Variants in PSG3 observed in about 807,000 individuals in gnomAD.
The protein encoded by PSG3 is pregnancy specific beta-1-glycoprotein 3.
In PSG3, 61 loss-of-function variants were observed where a neutral mutation model predicts 47.5. That is an observed-to-expected ratio of 1.28 (90% CI 1.05 to 1.59). The LOEUF (loss-of-function observed/expected upper bound fraction) is 1.59. PSG3 is among the 40% of genes most tolerant of loss of function. The pLI is 0.00. For missense variants in PSG3, 756 were observed against 524.0 expected (o/e 1.44, Z -4.32); for synonymous variants, 263 against 198.4 (o/e 1.33, Z -2.74).
intron 2 of PSG3, among the ~76,000 whole-genome samples, chr19:42,737,457 C>T (rs1450490344): frequency 1.3e-5 from 2 of 152,108 alleles, no homozygotes; most frequent in African/African-American, 4.8e-5. Context: ...CCTCTTGTGA[C>T]AGTGACATGG....
intron 2 of PSG3, among the ~76,000 whole-genome samples, chr19:42,734,511 C>G (rs1490595305): frequency 6.6e-6 from 1 of 152,148 alleles, no homozygotes; most frequent in African/African-American, 2.4e-5. Flanking sequence ...GTAACAACAA[C>G]AGCAAAAAAT....
At chr19:42,738,332 T>C (rs1350057543) in intron 2 of PSG3, among the ~76,000 whole-genome samples, 3 of 152,172 alleles carry the variant, frequency 2.0e-5, no homozygotes, top group Non-Finnish European at 4.4e-5. Context: ...AGGGACATGG[T>C]TCTGGGGGTG....
rs1203622528 is a variant in PSG3, at chr19:42,729,182, G to T, written c.1184C>A (p.Ser395Tyr). ...TTKHSGLYAC[S>Y]VRNSATGMES... ...CATGCCAGTGGCTGAGTTACGAACA[G>T]AGCAAGCATAGAGCCCGCTATGCTT... Residue 395 changes from serine to tyrosine, a missense_variant, in exon 5 of 7, where the codon TCT (serine) becomes TAT (tyrosine). Physicochemically the swap from Ser to Tyr is moderately radical, Grantham distance 144 (BLOSUM62 -2). Transcript: ENST00000327495. 11 of 1,613,886 alleles carry T rather than the reference G, an allele frequency of 6.8e-6. No individual in the cohort carries two copies. The highest frequency in any genetic ancestry group is 9.3e-6 in the Non-Finnish European group (11 of 1,179,882).
At chr19:42,726,518 G>GA (rs1316585019) in intron 5 of PSG3, among the ~76,000 whole-genome samples, 3 of 151,538 alleles carry the variant, frequency 2.0e-5, no homozygotes, top group African/African-American at 4.9e-5. Context: ...GGGAAATTAA[G>GA]AAAAAAAATT....
chr19:42,736,612 TTGTG>T (rs61479007), intron 2 of PSG3, among the ~76,000 whole-genome samples: 9,632 of 138,566 alleles, frequency 0.07, 584 homozygotes, highest in African/African-American at 0.17. Context: ...TTCAATACAT[TTGTG>T]TGTGTGTGTG....
intron 3 of PSG3, chr19:42,732,426 G>A: frequency 2.3e-6 from 1 of 433,298 alleles, no homozygotes; most frequent in Non-Finnish European, 4.2e-6. Flanking sequence ...TTGTCAGAGG[G>A]AAGGGAAAAT....
At chr19:42,735,605 C>T (rs934228595) in intron 2 of PSG3, among the ~76,000 whole-genome samples, 3 of 152,264 alleles carry the variant, frequency 2.0e-5, no homozygotes, top group African/African-American at 4.8e-5. Context: ...TGACCTTGTG[C>T]CTGCCTCGGC....
intron 6 of PSG3, among the ~76,000 whole-genome samples, chr19:42,722,650 C>T (rs1350691041): frequency 1.3e-5 from 2 of 152,086 alleles, no homozygotes; most frequent in Non-Finnish European, 2.9e-5. Context: ...TATAATTTAA[C>T]TTATCAAATA....
chr19:42,725,890 C>CAAAAAAAAAAAAAAAAAAAAAAAAAAA (rs200684147), intron 5 of PSG3, among the ~76,000 whole-genome samples: 39 of 68,010 alleles, frequency 5.7e-4, no homozygotes, highest in African/African-American at 2.2e-3. Context: ...CAACAACAAC[C>CAAAAAAAAAAAAAAAAAAAAAAAAAAA]AAAAAAAAAA....
chr19:42,738,161 T>G (rs923065470), intron 2 of PSG3, among the ~76,000 whole-genome samples: 1 of 152,230 alleles, frequency 6.6e-6, no homozygotes, highest in African/African-American at 2.4e-5. Context: ...GCTCTGTCCT[T>G]GCCCAGATGA....
At chr19:42,735,599 C>T (rs1281991372) in intron 2 of PSG3, among the ~76,000 whole-genome samples, 1 of 152,198 alleles carries the variant, frequency 6.6e-6, no homozygotes, top group Non-Finnish European at 1.5e-5. Flanking sequence ...ATCTCCTGAC[C>T]TTGTGCCTGC....
At chr19:42,729,598 T>C (rs1969436537) in intron 4 of PSG3, among the ~76,000 whole-genome samples, 180 bp downstream of exon 4, 1 of 152,160 alleles carries the variant, frequency 6.6e-6, no homozygotes, top group South Asian at 2.1e-4. Context: ...CCCCTCCCCT[T>C]ATATTCTTGG....
intron 3 of PSG3, chr19:42,732,576 C>T (rs1299340365): frequency 3.3e-6 from 4 of 1,219,408 alleles, no homozygotes; most frequent in Non-Finnish European, 4.6e-6. Context: ...GACGCTGAGT[C>T]TCCCATGACA....
chr19:42,729,996 A>C lies in PSG3; in HGVS notation c.770T>G (p.Val257Gly). The C allele has an allele frequency of 6.2e-7, 1 of 1,612,430 alleles. No homozygotes were observed. The highest frequency in any genetic ancestry group is 8.5e-7 in the Non-Finnish European group (1 of 1,179,846). Residue 257 changes from valine (V) to glycine (G), a missense_variant, in exon 4 of 7, where the codon GTC (valine) becomes GGC (glycine). Physicochemically the swap from Val to Gly is moderately radical, Grantham distance 109. Coordinates refer to ENST00000327495, the MANE Select transcript of PSG3 (RefSeq NM_021016.4). ...NNLNPRENKD[V>G]LAFTCEPKSE... ...CTTAGGTTCACAGGTGAAGGCTAAG[A>C]CATCCTTATTCTCCCTGGGGTTTAA... is the stretch of plus-strand genomic sequence containing the variant.
Position 42,739,030 on chromosome 19 carries a change from G to T in PSG3, c.124C>A (p.Pro42Thr). The T allele has an allele frequency of 1.2e-6, 2 of 1,613,752 alleles. No homozygotes were observed. The highest frequency in any genetic ancestry group is 1.1e-5 in the South Asian group (1 of 91,064). ...TTAQVTIEAE[P>T]TKVSKGKDVL... The stretch of plus-strand genomic sequence containing the variant: ...TCCTTCCCCTTGGAAACTTTGGTTG[G>T]CTCGGCTTCAATCGTGACTTGGGCA... Residue 42 changes from proline to threonine, a missense_variant, in exon 2 of 7, where the codon CCA (proline) becomes ACA (threonine). Transcript: ENST00000327495.
rs571851590 is a variant in PSG3 at position 42,737,342 on chromosome 19, C to A, written c.430+1382G>T. Among the ~76,000 whole-genome samples the A allele has an allele frequency of 1.2e-3, 178 of 152,132 alleles. 2 individuals are homozygous for A. The highest frequency in any genetic ancestry group is 4.2e-3 in the African/African-American group (173 of 41,516). On this transcript the variant is annotated intron_variant, in intron 2 of 6. Coordinates refer to ENST00000327495, the MANE Select transcript of PSG3 (RefSeq NM_021016.4). Reference sequence around the variant, plus strand: ...TTTTGGATCATTCATTTCTTCATTCCATTTCTTCATTTGTTATGTAAGAGC... The same window carrying A: ...TTTTGGATCATTCATTTCTTCATTCAATTTCTTCATTTGTTATGTAAGAGC...
At chr19:42,724,682 A>G (rs1969348268) in intron 5 of PSG3, among the ~76,000 whole-genome samples, 1 of 151,630 alleles carries the variant, frequency 6.6e-6, no homozygotes, top group Non-Finnish European at 1.5e-5. Context: ...TACTACCTTC[A>G]TGCCTGCCCC....
At chr19:42,732,196 A>C (rs2122180164) in intron 3 of PSG3, 1 of 158,410 alleles carries the variant, frequency 6.3e-6, no homozygotes, top group South Asian at 1.9e-4. Context: ...TGAAACAGAC[A>C]TAGACCCCTC....
chr19:42,726,524 A>T (rs578203150), intron 5 of PSG3, among the ~76,000 whole-genome samples: 96 of 152,332 alleles, frequency 6.3e-4, no homozygotes, highest in Admixed American at 1.1e-3. Context: ...TTAAGAAAAA[A>T]AATTTCAATT....
Sources: allele counts gnomAD v4.1 joint callset (sites outside exome capture counted in the v4.1 genomes callset), GRCh38; gene constraint gnomAD v4.1.1; transcripts MANE v1.5; gene names NCBI Gene and HGNC (gene_info 2026-07-23, HGNC 2026-07-21).